The following SUMF2 variants were observed in gnomAD, a reference collection of about 807,000 sequenced individuals.
SUMF2 encodes sulfatase modifying factor 2.
SUMF2 carries 45 observed loss-of-function variants against 44.8 expected under a neutral mutation model. The ratio of observed to expected loss-of-function variants is 1.00; its 90% CI spans 0.79 to 1.29. The LOEUF is 1.29. Ranked by LOEUF, SUMF2 falls within the 50% of genes most tolerant of loss-of-function variation. SUMF2 has a pLI of 0.00. For missense variants in SUMF2, 418 were observed against 389.9 expected (o/e 1.07, Z -0.61); for synonymous variants, 148 against 150.4 (o/e 0.98, Z 0.12).
the SUMF2 span, among the ~76,000 whole-genome samples, chr7:56,086,294 T>C: frequency 6.6e-6 from 1 of 152,052 alleles, no homozygotes; most frequent in South Asian, 2.1e-4. Context: ...TTACTATGTT[T>C]TTCCTATATG....
intron 1 of SUMF2, among the ~76,000 whole-genome samples, chr7:56,066,048 T>G (rs113348566): frequency 1.6e-5 from 2 of 126,996 alleles, no homozygotes; most frequent in Non-Finnish European, 3.1e-5. Flanking sequence ...GCCACTGCAC[T>G]CTGACCGGGA....
chr7:56,064,380 T>G lies in SUMF2; in HGVS notation c.67+2T>G, dbSNP rs1226761942. 4 of 1,602,330 alleles carry G rather than the reference T, an allele frequency of 2.5e-6. No individual in the cohort carries two copies. Among genetic ancestry groups the G allele is most frequent in the Admixed American group, 3.4e-5 (2 of 58,004 alleles). Reference sequence around the variant, plus strand: ...TGGTCGGCGCGTGGCTCAAGCTAGGTCAGTGAACCGGCCGTCCATCCTGGG... The same window carrying G: ...TGGTCGGCGCGTGGCTCAAGCTAGGGCAGTGAACCGGCCGTCCATCCTGGG... On this transcript the variant is annotated splice_donor_variant, in intron 1 of 8. Coordinates refer to ENST00000434526, the MANE Select transcript of SUMF2 (RefSeq NM_015411.4). LOFTEE classifies it high-confidence loss of function.
intron 1 of SUMF2, among the ~76,000 whole-genome samples, chr7:56,065,301 C>G (rs1794709290): frequency 6.6e-6 from 1 of 152,110 alleles, no homozygotes; most frequent in African/African-American, 2.4e-5. Context: ...AGTCCTGCTC[C>G]TGCGGAATCG....
chr7:56,074,226 C>T lies in SUMF2; in HGVS notation c.384+8C>T. The T allele has an allele frequency of 1.2e-6, 2 of 1,613,380 alleles. No homozygotes were observed. The highest frequency in any genetic ancestry group is 1.7e-6 in the Non-Finnish European group (2 of 1,179,552). ...AAGGCATTTTGGAGGCAGGTAAGGG[C>T]TGATTCCGCTACCTCATTTTCTACC... On this transcript the variant is annotated splice_region_variant and intron_variant, in intron 4 of 8. Transcript: ENST00000434526.
intron 2 of SUMF2, among the ~76,000 whole-genome samples, chr7:56,072,155 G>A (rs1795210564): frequency 6.8e-6 from 1 of 147,792 alleles, no homozygotes; most frequent in South Asian, 2.1e-4. Flanking sequence ...GCCAAGTGTT[G>A]TGCCTCACAC....
At chr7:56,079,299 A>G (rs1795814967) in intron 8 of SUMF2, 2 of 566,644 alleles carry the variant, frequency 3.5e-6, no homozygotes, top group Admixed American at 3.1e-5. Context: ...CCCTCCCCCT[A>G]CTCTTGCAAG....
intron 2 of SUMF2, among the ~76,000 whole-genome samples, chr7:56,071,813 T>TA (rs1413593484): frequency 1.2e-4 from 17 of 144,712 alleles, no homozygotes; most frequent in Non-Finnish European, 1.9e-4. Context: ...AATAAATAAA[T>TA]AATTAAATAA....
downstream of SUMF2, chr7:56,083,247 C>G (rs764621129): frequency 6.2e-7 from 1 of 1,610,606 alleles, no homozygotes; most frequent in Admixed American, 1.7e-5. Flanking sequence ...CACCCGAGGC[C>G]TGGACGTGGG....
chr7:56,083,175 A>G, downstream of SUMF2: 1 of 1,004,152 alleles, frequency 1.0e-6, no homozygotes, highest in Non-Finnish European at 1.5e-6. Flanking sequence ...TTTTTATTCC[A>G]GGGAACAATT....
At chr7:56,087,828 G>A in the SUMF2 span, 1 of 1,475,762 alleles carries the variant, frequency 6.8e-7, no homozygotes, top group South Asian at 1.1e-5. Context: ...CCCATGGGGG[G>A]TCCCAGATTA....
At chr7:56,081,727 T>C (rs767133278), downstream of SUMF2, 1 of 1,613,850 alleles carries the variant, frequency 6.2e-7, no homozygotes, top group Non-Finnish European at 8.5e-7. The surrounding 1 kb of genome is among the most constrained non-coding windows in gnomAD (Gnocchi z 4.6). Context: ...GTAGCGGTTC[T>C]GGGGTTGCAC....
At chr7:56,065,239 G>A (rs1366497067) in intron 1 of SUMF2, among the ~76,000 whole-genome samples, 4 of 146,154 alleles carry the variant, frequency 2.7e-5, no homozygotes, top group African/African-American at 5.1e-5. Context: ...AACGAGGAAC[G>A]ACCCCCGCCC....
At chr7:56,086,770 G>T in the SUMF2 span, 4 of 578,364 alleles carry the variant, frequency 6.9e-6, no homozygotes, top group African/African-American at 5.6e-5. Context: ...TTAAAGAAAT[G>T]ATCCAGCCCA....
At chr7:56,064,532 C>T (rs1483323607) in intron 1 of SUMF2, among the ~76,000 whole-genome samples, 154 bp downstream of exon 1, 2 of 152,052 alleles carry the variant, frequency 1.3e-5, no homozygotes, top group African/African-American at 2.4e-5. Context: ...GGCGCCTCAC[C>T]GCCTTATACT....
chr7:56,074,422 T>A, intron 4 of SUMF2, 164 bp from the exon 5 acceptor site: 1 of 1,045,650 alleles, frequency 9.6e-7, no homozygotes, highest in East Asian at 2.5e-5. Flanking sequence ...TTCAGCCTCC[T>A]GTAGTCTCTT....
At chr7:56,087,410 C>A in the SUMF2 span, among the ~76,000 whole-genome samples, 1 of 151,888 alleles carries the variant, frequency 6.6e-6, no homozygotes, top group African/African-American at 2.4e-5. Context: ...GACATCAAAC[C>A]CCCATTCCCC....
the SUMF2 span, chr7:56,087,822 TG>T: frequency 1.6e-5 from 25 of 1,520,166 alleles, no homozygotes; most frequent in South Asian, 2.6e-4. Flanking sequence ...CCTCACCCCA[TG>T]GGGGGTCCCA....
At chr7:56,083,131 GAAA>G (rs914341032), downstream of SUMF2, 1 of 621,666 alleles carries the variant, frequency 1.6e-6, no homozygotes, top group Non-Finnish European at 2.7e-6. Context: ...GAAAGAAAAA[GAAA>G]AAAAAATCCC....
chr7:56,081,438 C>G (rs1795984745), downstream of SUMF2: 4 of 1,293,378 alleles, frequency 3.1e-6, no homozygotes, highest in East Asian at 9.7e-5. The surrounding 1 kb of genome is among the most constrained non-coding windows in gnomAD (Gnocchi z 4.6). Flanking sequence ...CCCCCACTTC[C>G]CACTTGGCCA....
Sources: allele counts gnomAD v4.1 joint callset (sites outside exome capture counted in the v4.1 genomes callset), GRCh38; gene constraint gnomAD v4.1.1; non-coding constraint Gnocchi (gnomAD v3.1); transcripts MANE v1.5; gene names NCBI Gene and HGNC (gene_info 2026-07-23, HGNC 2026-07-21).